VAT1L: variants seen among roughly 807,000 people sequenced by gnomAD.
VAT1L encodes the protein putative NADPH-dependent quinone oxidoreductase VAT1L.
A neutral mutation model predicts 44.1 loss-of-function variants in VAT1L; 34 were observed. The ratio of observed to expected loss-of-function variants is 0.77; its 90% CI spans 0.59 to 1.03. The LOEUF (loss-of-function observed/expected upper bound fraction) is 1.03, where lower values mean the gene tolerates loss of function less well. Ranked by LOEUF, VAT1L falls within the 50% of genes least tolerant of loss-of-function variation. VAT1L has a pLI of 0.00. For missense variants in VAT1L, 615 were observed against 538.8 expected (o/e 1.14, Z -1.40); for synonymous variants, 253 against 202.2 (o/e 1.25, Z -2.13).
chr16:77,920,969 C>T (rs7199219), intron 7 of VAT1L, among the ~76,000 whole-genome samples: 4,467 of 149,838 alleles, frequency 0.03, 252 homozygotes, highest in African/African-American at 0.1. Context: ...TGCATATATA[C>T]ACACACACAC....
intron 7 of VAT1L, among the ~76,000 whole-genome samples, chr16:77,936,307 C>G (rs963315126): frequency 3.3e-5 from 5 of 152,136 alleles, no homozygotes; most frequent in African/African-American, 1.2e-4. Flanking sequence ...CACTTTAGAG[C>G]TAAAGAAACT....
intron 1 of VAT1L, among the ~76,000 whole-genome samples, chr16:77,793,764 G>A (rs1055588292): frequency 2.0e-5 from 3 of 152,202 alleles, no homozygotes; most frequent in Non-Finnish European, 4.4e-5. Flanking sequence ...TCCATTGGCT[G>A]ATCTGAAAAT....
chr16:77,937,189 G>C (rs941117928), intron 7 of VAT1L, among the ~76,000 whole-genome samples: 1 of 152,138 alleles, frequency 6.6e-6, no homozygotes, highest in Admixed American at 6.5e-5. Flanking sequence ...CCCAACCTGA[G>C]GGTTTTGAGA....
chr16:77,937,264 G>A (rs2017811475), intron 7 of VAT1L, among the ~76,000 whole-genome samples: 2 of 152,132 alleles, frequency 1.3e-5, no homozygotes, highest in African/African-American at 2.4e-5. Flanking sequence ...TCCTCCTCAC[G>A]CAAATCAGTT....
intron 1 of VAT1L, among the ~76,000 whole-genome samples, chr16:77,802,690 G>A (rs56376928): frequency 1.4e-3 from 202 of 148,962 alleles, no homozygotes; most frequent in African/African-American, 4.9e-3. Context: ...TCCATTCATG[G>A]CACGGACAAA....
chr16:77,861,083 C>A (rs1346566980), intron 3 of VAT1L, among the ~76,000 whole-genome samples: 2 of 152,146 alleles, frequency 1.3e-5, no homozygotes, highest in Admixed American at 6.5e-5. Flanking sequence ...CCAACTCTGA[C>A]ATTCTGTGAT....
intron 7 of VAT1L, among the ~76,000 whole-genome samples, chr16:77,969,327 G>C (rs2018255370): frequency 6.6e-6 from 1 of 151,914 alleles, no homozygotes; most frequent in Non-Finnish European, 1.5e-5. Context: ...CCCTCACTCA[G>C]GACAGAGTTG....
rs184625707 is a variant in VAT1L, at chr16:77,972,844, T to G, written c.1161+911T>G. ...TGTAAAATATAAATAAAAATATAAT[T>G]TAAAATATTATTTATATTATTTTTA... On this transcript the variant is annotated intron_variant, in intron 8 of 8. Coordinates refer to ENST00000302536, the MANE Select transcript of VAT1L (RefSeq NM_020927.3). 8.8e-4 allele frequency among the ~76,000 whole-genome samples: 132 copies of G among 150,198 alleles called. 1 individual carries two copies. The highest frequency in any genetic ancestry group is 2.9e-3 in the African/African-American group (118 of 41,222).
At chr16:77,928,399 T>C (rs184841517) in intron 7 of VAT1L, among the ~76,000 whole-genome samples, 112 of 152,318 alleles carry the variant, frequency 7.4e-4, no homozygotes, top group Non-Finnish European at 1.5e-3. Context: ...TCCATCATGG[T>C]TGGGGGAGAA....
intron 3 of VAT1L, among the ~76,000 whole-genome samples, chr16:77,832,358 A>G (rs890541238): frequency 1.1e-4 from 17 of 152,144 alleles, no homozygotes; most frequent in Non-Finnish European, 2.1e-4. Context: ...ACCTCTAGGC[A>G]TATTCTCCAG....
At chr16:77,809,138 A>G (rs2016219297) in intron 1 of VAT1L, among the ~76,000 whole-genome samples, 1 of 152,260 alleles carries the variant, frequency 6.6e-6, no homozygotes. Flanking sequence ...AATGTAAGCC[A>G]GGTAAAACCA....
chr16:77,953,638 G>C (rs547836237), intron 7 of VAT1L, among the ~76,000 whole-genome samples: 3 of 151,976 alleles, frequency 2.0e-5, no homozygotes, highest in Admixed American at 6.6e-5. Context: ...ACTCCTGGGG[G>C]CTCAGCCTCC....
intron 1 of VAT1L, among the ~76,000 whole-genome samples, chr16:77,813,856 C>T (rs548252666): frequency 9.2e-5 from 14 of 152,284 alleles, no homozygotes; most frequent in African/African-American, 3.4e-4. Flanking sequence ...CAATACTGGG[C>T]CCACATTGGT....
At chr16:77,954,900 A>AT (rs1567521172) in intron 7 of VAT1L, among the ~76,000 whole-genome samples, 1 of 152,192 alleles carries the variant, frequency 6.6e-6, no homozygotes, top group Non-Finnish European at 1.5e-5. Context: ...AACATATGCG[A>AT]TTTTTTACTT....
At chr16:77,968,380 A>G (rs796129518) in intron 7 of VAT1L, among the ~76,000 whole-genome samples, 4 of 152,324 alleles carry the variant, frequency 2.6e-5, no homozygotes, top group African/African-American at 9.6e-5. Context: ...AGTTCCTGAA[A>G]GAGGAGGAAC....
At chr16:77,834,954 G>A (rs1036843129) in intron 3 of VAT1L, among the ~76,000 whole-genome samples, 5 of 152,142 alleles carry the variant, frequency 3.3e-5, no homozygotes, top group Non-Finnish European at 5.9e-5. Flanking sequence ...CTGATGCTTG[G>A]GAGACACTAA....
At chr16:77,865,864 C>T (rs2016968569) in intron 4 of VAT1L, among the ~76,000 whole-genome samples, 1 of 152,130 alleles carries the variant, frequency 6.6e-6, no homozygotes, top group African/African-American at 2.4e-5. Context: ...AGCCCATAAC[C>T]AGAGAACTCC....
At position 77,977,635 on chromosome 16, in the gene VAT1L, AGAG is replaced by A. The variant is rs1434178860; in HGVS notation, c.1209_1211del (p.Glu403del). 1.9e-6 allele frequency: 3 copies of A among 1,613,968 alleles called. No homozygotes were observed. Among genetic ancestry groups the A allele is most frequent in the Non-Finnish European group, 2.5e-6 (3 of 1,179,958 alleles). On this transcript the variant is annotated inframe_deletion, in exon 9 of 9. Coordinates refer to ENST00000302536, the MANE Select transcript of VAT1L (RefSeq NM_020927.3). ...GCACAGAGACCAGTGAAGCAGGGGAAGAGGAGGAGGACCACGAGGGAGACAGCG... is the reference window on the plus strand; with the variant it reads ...GCACAGAGACCAGTGAAGCAGGGGAAGAGGAGGACCACGAGGGAGACAGCG...
At chr16:77,855,399 C>A (rs1003923169) in intron 3 of VAT1L, among the ~76,000 whole-genome samples, 1 of 151,496 alleles carries the variant, frequency 6.6e-6, no homozygotes, top group African/African-American at 2.4e-5. Context: ...CCCCTAGTCA[C>A]ACAACCCATT....
Sources: allele counts gnomAD v4.1 joint callset (sites outside exome capture counted in the v4.1 genomes callset), GRCh38; gene constraint gnomAD v4.1.1; transcripts MANE v1.5; gene names NCBI Gene and HGNC (gene_info 2026-07-23, HGNC 2026-07-21).